The following LBH variants were observed in gnomAD, a reference collection of about 807,000 sequenced individuals.
LBH encodes the protein protein LBH.
A neutral mutation model predicts 12.5 loss-of-function variants in LBH; 7 were observed. The observed-to-expected ratio is 0.56, with a 90% CI of 0.32 to 1.05. The LOEUF is 1.05. Among genes scored for constraint, LBH ranks in the 50% least tolerant of loss-of-function variants. The pLI, the probability that LBH is intolerant of heterozygous loss-of-function variation, is 0.04. For synonymous variants in LBH, 51 were observed against 50.1 expected (o/e 1.02, Z -0.08); for missense variants, 119 against 138.9 (o/e 0.86, Z 0.72).
chr2:30,232,028 G>A, intron 1 of LBH: 1 of 1,288,222 alleles, frequency 7.8e-7, no homozygotes, highest in East Asian at 2.7e-5. Flanking sequence ...TTGGTTGGCG[G>A]GGGAGCCAGG....
chr2:30,250,649 C>T (rs1333415177), intron 2 of LBH, among the ~76,000 whole-genome samples: 2 of 151,860 alleles, frequency 1.3e-5, no homozygotes, highest in East Asian at 1.9e-4. Flanking sequence ...GTTGATAGCC[C>T]GGTCCCTAAA....
rs1185673738 is a variant in LBH, at chr2:30,231,881, T to TA, written c.26+119dup. 6.2e-5 allele frequency: 47 copies of TA among 760,324 alleles called. No homozygotes were observed. The South Asian group carries it at 1.3e-3, about 22-fold the overall frequency. 47.1% of individuals were successfully genotyped at this position (760,324 alleles called of 1,614,324 possible). A position where few individuals can be genotyped will look rare whatever the true frequency, so the allele number is the denominator to read the frequency against. On this transcript the variant is annotated intron_variant, in intron 1 of 2. Coordinates refer to ENST00000395323, the MANE Select transcript of LBH (RefSeq NM_030915.4). Reference sequence around the variant, plus strand: ...AGCCGGCGGCGCGGGCGCTCAGCGCTAACCCGCCGCCCGAGCCCGTGCAGG... The same window carrying TA: ...AGCCGGCGGCGCGGGCGCTCAGCGCTAAACCCGCCGCCCGAGCCCGTGCAGG...
At chr2:30,240,379 G>A (rs1677770658) in intron 2 of LBH, among the ~76,000 whole-genome samples, 1 of 152,172 alleles carries the variant, frequency 6.6e-6, no homozygotes, top group African/African-American at 2.4e-5. Context: ...AGCTATTCCT[G>A]GGTGTCTAGT....
intron 2 of LBH, among the ~76,000 whole-genome samples, chr2:30,247,540 G>C (rs1435746112): frequency 6.6e-6 from 1 of 152,142 alleles, no homozygotes; most frequent in African/African-American, 2.4e-5. Flanking sequence ...AAATACCCAA[G>C]TTGGAATAAC....
At chr2:30,233,655 C>T (rs1277500762) in intron 1 of LBH, among the ~76,000 whole-genome samples, 1 of 152,246 alleles carries the variant, frequency 6.6e-6, no homozygotes, top group Non-Finnish European at 1.5e-5. Context: ...GTACAAGGCA[C>T]TTTCACATGT....
At chr2:30,245,853 C>T (rs1331796516) in intron 2 of LBH, among the ~76,000 whole-genome samples, 1 of 152,156 alleles carries the variant, frequency 6.6e-6, no homozygotes, top group Non-Finnish European at 1.5e-5. Flanking sequence ...AAAACCTGTT[C>T]TTTCCCTACC....
chr2:30,231,738 C>A lies in LBH; in HGVS notation c.-1C>A. On this transcript the variant is annotated 5_prime_UTR_variant, in exon 1 of 3. Coordinates refer to ENST00000395323, the MANE Select transcript of LBH (RefSeq NM_030915.4). ...CGTGTGTCAGCCTGCCCTAGGACTT[C>A]ATGTCTATATATTTCCCCATTCACT... is the stretch of plus-strand genomic sequence containing the variant. The A allele has an allele frequency of 6.3e-7, 1 of 1,588,630 alleles. No homozygotes were observed. Among genetic ancestry groups the A allele is most frequent in the Non-Finnish European group, 8.6e-7 (1 of 1,168,222 alleles).
At chr2:30,246,104 G>A (rs908956988) in intron 2 of LBH, among the ~76,000 whole-genome samples, 6 of 152,014 alleles carry the variant, frequency 3.9e-5, no homozygotes, top group Non-Finnish European at 7.4e-5. Context: ...AATCACAGGC[G>A]TGCACCACCA....
chr2:30,257,995 G>T lies in LBH; in HGVS notation c.*374G>T, dbSNP rs74324107. ...TTGGTGGGTGGGAGGTGGGGCATGT[G>T]CAAAGCAAGCAAGGAACATTTGGGG... On this transcript the variant is annotated 3_prime_UTR_variant, in exon 3 of 3. Coordinates refer to ENST00000395323, the MANE Select transcript of LBH (RefSeq NM_030915.4). 3,219 of 171,272 alleles carry T rather than the reference G, an allele frequency of 0.019. 121 individuals are homozygous for T. The highest frequency in any genetic ancestry group is 0.072 in the African/African-American group (3,015 of 41,966). 10.6% of individuals were successfully genotyped at this position (171,272 alleles called of 1,614,324 possible).
At chr2:30,241,460 C>A (rs202167130) in intron 2 of LBH, among the ~76,000 whole-genome samples, 1 of 132,616 alleles carries the variant, frequency 7.5e-6, no homozygotes, top group Non-Finnish European at 1.6e-5. Context: ...TTCTTTCTTT[C>A]TTTTTTTTTT....
chr2:30,235,200 C>T (rs1285387821), intron 2 of LBH, among the ~76,000 whole-genome samples: 4 of 152,190 alleles, frequency 2.6e-5, no homozygotes, highest in Non-Finnish European at 4.4e-5. Flanking sequence ...GCCCTGCTGC[C>T]TCTCTACTGC....
chr2:30,239,634 C>T (rs1044092350), intron 2 of LBH, among the ~76,000 whole-genome samples: 12 of 152,252 alleles, frequency 7.9e-5, no homozygotes, highest in African/African-American at 2.9e-4. Flanking sequence ...ATTGCAACAA[C>T]TTTCTTTTCT....
In LBH at chr2:30,231,738, C is replaced by T; in HGVS notation, c.-1C>T. ...CGTGTGTCAGCCTGCCCTAGGACTT[C>T]ATGTCTATATATTTCCCCATTCACT... On this transcript the variant is annotated 5_prime_UTR_variant, in exon 1 of 3. Transcript: ENST00000395323. 1 of 1,588,630 alleles carries T rather than the reference C, an allele frequency of 6.3e-7. No individual in the cohort carries two copies. Among genetic ancestry groups the T allele is most frequent in the Non-Finnish European group, 8.6e-7 (1 of 1,168,222 alleles).
intron 2 of LBH, among the ~76,000 whole-genome samples, chr2:30,248,157 G>C (rs972769100): frequency 3.3e-5 from 5 of 152,170 alleles, no homozygotes; most frequent in African/African-American, 1.2e-4. Context: ...AGCCCTATTT[G>C]CTTCAGTTGT....
intron 2 of LBH, among the ~76,000 whole-genome samples, chr2:30,246,883 A>G (rs1177226541): frequency 1.5e-5 from 2 of 135,106 alleles, no homozygotes; most frequent in Admixed American, 7.9e-5. Flanking sequence ...GTGCAGTGGC[A>G]TGGTCATAGC....
chr2:30,233,070 A>T (rs1677621621), intron 1 of LBH: 1 of 152,290 alleles, frequency 6.6e-6, no homozygotes, highest in African/African-American at 2.4e-5. Context: ...TAGGTGCCTT[A>T]TTATAGGTGA....
chr2:30,251,666 C>G (rs1266459883), intron 2 of LBH, among the ~76,000 whole-genome samples: 1 of 63,416 alleles, frequency 1.6e-5, no homozygotes, highest in African/African-American at 6.6e-5. Context: ...GACCCTATCT[C>G]AAGAAAAAAA....
intron 2 of LBH, among the ~76,000 whole-genome samples, chr2:30,253,601 A>G (rs1463313876): frequency 4.6e-5 from 7 of 152,138 alleles, no homozygotes; most frequent in Middle Eastern, 3.2e-3. Context: ...ACCTCTTGCA[A>G]GGTCTTAAAA....
chr2:30,239,092 C>T (rs1441440223), intron 2 of LBH, among the ~76,000 whole-genome samples: 1 of 151,976 alleles, frequency 6.6e-6, no homozygotes, highest in Non-Finnish European at 1.5e-5. Flanking sequence ...GGTCTCTCCA[C>T]GTTGGCCCTT....
Sources: gnomAD v4.1 joint callset for allele counts (sites outside exome capture counted in the v4.1 genomes callset) on GRCh38, gnomAD v4.1.1 for gene constraint, MANE v1.5 for transcripts, NCBI Gene and HGNC (gene_info 2026-07-23, HGNC 2026-07-21) for gene names.